COP1: variants seen among roughly 807,000 people sequenced by gnomAD.
COP1 encodes the protein COP1 E3 ubiquitin ligase, also known as E3 ubiquitin-protein ligase COP1.
Under a neutral mutation model 101.3 loss-of-function variants are expected in COP1, and 24 were observed. The ratio of observed to expected loss-of-function variants is 0.24; its 90% CI spans 0.17 to 0.33. The LOEUF (loss-of-function observed/expected upper bound fraction) is 0.33. Ranked by LOEUF, COP1 falls within the 10% of genes least tolerant of loss-of-function variation. The pLI is 1.00. For synonymous variants in COP1, 347 were observed against 341.9 expected (o/e 1.01, Z -0.17); for missense variants, 663 against 906.2 (o/e 0.73, Z 3.45).
intron 9 of COP1, among the ~76,000 whole-genome samples, chr1:176,110,241 T>G (rs1430548740): frequency 6.6e-6 from 1 of 152,244 alleles, no homozygotes; most frequent in African/African-American, 2.4e-5. Flanking sequence ...AAGTACCTAT[T>G]AAGCCATGCT....
chr1:176,135,868 T>C (rs992582452), intron 7 of COP1, among the ~76,000 whole-genome samples: 1 of 152,100 alleles, frequency 6.6e-6, no homozygotes, highest in Non-Finnish European at 1.5e-5. Flanking sequence ...CTACAGAGGA[T>C]ACTGAACATC....
intron 15 of COP1, among the ~76,000 whole-genome samples, chr1:176,002,501 C>A (rs1661926966): frequency 8.2e-6 from 1 of 122,290 alleles, no homozygotes. Flanking sequence ...GCTATCCCTT[C>A]CCCTTCCCCC....
chr1:176,022,792 C>G, intron 15 of COP1, among the ~76,000 whole-genome samples: 1 of 152,296 alleles, frequency 6.6e-6, no homozygotes, highest in Non-Finnish European at 1.5e-5. Flanking sequence ...CATCCATTTC[C>G]ACCATCTTAA....
At chr1:176,038,892 C>G (rs950898226) in intron 14 of COP1, among the ~76,000 whole-genome samples, 7 of 151,816 alleles carry the variant, frequency 4.6e-5, no homozygotes, top group African/African-American at 1.7e-4. Context: ...CATACACATC[C>G]CTTTATCAGA....
intron 1 of COP1, among the ~76,000 whole-genome samples, chr1:176,199,044 G>A (rs1186212242): frequency 6.6e-6 from 1 of 152,186 alleles, no homozygotes; most frequent in Non-Finnish European, 1.5e-5. Flanking sequence ...GTGGCCGGGT[G>A]TGGTGGCTCA....
chr1:176,039,335 C>T (rs778058671), intron 14 of COP1, among the ~76,000 whole-genome samples: 10 of 151,886 alleles, frequency 6.6e-5, no homozygotes, highest in Non-Finnish European at 1.2e-4. Context: ...ATTCATAGCA[C>T]TGAATACATA....
At chr1:176,016,683 T>A (rs1477396926) in intron 15 of COP1, among the ~76,000 whole-genome samples, 1 of 152,190 alleles carries the variant, frequency 6.6e-6, no homozygotes, top group African/African-American at 2.4e-5. Flanking sequence ...TTGTATGGAA[T>A]TTGTAATACA....
intron 8 of COP1, among the ~76,000 whole-genome samples, chr1:176,133,648 C>A (rs1375752981): frequency 1.3e-5 from 2 of 151,784 alleles, no homozygotes; most frequent in African/African-American, 4.8e-5. Context: ...ATAAATAGAG[C>A]AATTAAGTAA....
In COP1 at chr1:176,041,482, A is replaced by C. The variant is rs151045263; in HGVS notation, c.1612+1704T>G. The stretch of plus-strand genomic sequence containing the variant: ...TGTGCTTCAGCCACCCTCAGTAGCT[A>C]GGACCACAGGCCTGCACCACCACAC... On this transcript the variant is annotated intron_variant, in intron 14 of 19. Coordinates refer to ENST00000367669, the MANE Select transcript of COP1 (RefSeq NM_022457.7). Among the ~76,000 whole-genome samples, 89 of 151,882 alleles carry C rather than the reference A, an allele frequency of 5.9e-4. 1 individual carries two copies. The East Asian group carries it at 0.017, about 28-fold the overall frequency.
At chr1:176,036,947 T>A (rs931808330) in intron 14 of COP1, among the ~76,000 whole-genome samples, 5 of 152,168 alleles carry the variant, frequency 3.3e-5, no homozygotes, top group Admixed American at 6.5e-5. Flanking sequence ...ATGTATCGAT[T>A]CCCTGAAGGA....
chr1:176,051,581 T>TA lies in COP1; in HGVS notation c.1278-5258dup, dbSNP rs954116343. ...TTTAGTGTATATCTTCTACTTATTT[T>TA]AAAAAAAAACAAACAAACTGTAAAG... On this transcript the variant is annotated intron_variant, in intron 11 of 19. Coordinates refer to ENST00000367669, the MANE Select transcript of COP1 (RefSeq NM_022457.7). Among the ~76,000 whole-genome samples, 149 of 151,418 alleles carry TA rather than the reference T, an allele frequency of 9.8e-4. 1 individual carries two copies. In the South Asian group the frequency reaches 0.013, roughly 13 times the overall value.
intron 8 of COP1, among the ~76,000 whole-genome samples, chr1:176,127,974 T>C (rs1163022174): frequency 6.6e-6 from 1 of 152,086 alleles, no homozygotes; most frequent in Admixed American, 6.6e-5. Flanking sequence ...ATTTCTCTGA[T>C]GATTAGAGAT....
chr1:175,993,574 G>C (rs1659253805), intron 15 of COP1, among the ~76,000 whole-genome samples: 1 of 152,180 alleles, frequency 6.6e-6, no homozygotes, highest in Non-Finnish European at 1.5e-5. Context: ...TGAAAGCCAA[G>C]GCTCGAGAAC....
At chr1:176,168,210 A>G (rs1695443675) in intron 3 of COP1, among the ~76,000 whole-genome samples, 2 of 151,760 alleles carry the variant, frequency 1.3e-5, no homozygotes, top group African/African-American at 4.8e-5. Flanking sequence ...GGTGCGCACC[A>G]CCACACTTGG....
chr1:176,097,521 T>C (rs1435398235), intron 9 of COP1, among the ~76,000 whole-genome samples: 1 of 152,144 alleles, frequency 6.6e-6, no homozygotes, highest in Non-Finnish European at 1.5e-5. Context: ...TGTGTACATA[T>C]ATATGTGTTG....
chr1:176,089,802 C>G (rs1334734357), intron 9 of COP1, among the ~76,000 whole-genome samples: 1 of 152,174 alleles, frequency 6.6e-6, no homozygotes, highest in Non-Finnish European at 1.5e-5. Flanking sequence ...TTCAACCTGA[C>G]TCTGAATAAT....
At chr1:176,010,504 A>G (rs1664471518) in intron 15 of COP1, among the ~76,000 whole-genome samples, 2 of 152,208 alleles carry the variant, frequency 1.3e-5, no homozygotes, top group African/African-American at 4.8e-5. Context: ...TGTTTTGCAC[A>G]TTGTTCCACA....
At chr1:176,017,161 A>G (rs904631037) in intron 15 of COP1, 22 of 152,216 alleles carry the variant, frequency 1.4e-4, no homozygotes, top group African/African-American at 5.3e-4. Context: ...CCTTTAGTAA[A>G]GAAAGCATAA....
chr1:176,083,124 G>A (rs577818714), intron 10 of COP1, among the ~76,000 whole-genome samples: 1 of 152,276 alleles, frequency 6.6e-6, no homozygotes, highest in South Asian at 2.1e-4. Flanking sequence ...CTGTACTGCA[G>A]AGTGGTCTGG....
Sources: gnomAD v4.1 joint callset for allele counts (sites outside exome capture counted in the v4.1 genomes callset) on GRCh38, gnomAD v4.1.1 for gene constraint, MANE v1.5 for transcripts, NCBI Gene and HGNC (gene_info 2026-07-23, HGNC 2026-07-21) for gene names.